The following SLC4A11 variants were observed in gnomAD, a reference collection of about 807,000 sequenced individuals.
The protein encoded by SLC4A11 is solute carrier family 4 member 11.
Under a neutral mutation model 95.0 loss-of-function variants are expected in SLC4A11, and 74 were observed. The ratio of observed to expected loss-of-function variants is 0.78; its 90% CI spans 0.65 to 0.95. The LOEUF (loss-of-function observed/expected upper bound fraction) is 0.95. Among genes scored for constraint, SLC4A11 ranks in the 40% least tolerant of loss-of-function variants. The probability of loss-of-function intolerance (pLI) is 0.00; values close to 1 mark genes in which losing one functional copy is unlikely to be tolerated. For synonymous variants in SLC4A11, 548 were observed against 519.0 expected, an observed-to-expected ratio of 1.06 and a Z score of -0.76; for missense variants, 1,081 against 1,192.4, an observed-to-expected ratio of 0.91 and a Z score of 1.38.
chr20:3,230,404 C>A, intron 12 of SLC4A11, 111 bp downstream of exon 12: 1 of 1,589,632 alleles, frequency 6.3e-7, no homozygotes. Flanking sequence ...CCCACCCCAG[C>A]CCCTTGGGGC....
At chr20:3,237,847 GGA>G (rs1160470722) in intron 1 of SLC4A11, 1 of 1,553,782 alleles carries the variant, frequency 6.4e-7, no homozygotes, top group Non-Finnish European at 8.7e-7. Flanking sequence ...GAGGCGAGGA[GGA>G]GAGACGTTCC....
chr20:3,228,204 C>T, intron 19 of SLC4A11, 55 bp downstream of exon 19: 1 of 1,596,950 alleles, frequency 6.3e-7, no homozygotes, highest in Non-Finnish European at 8.5e-7. Flanking sequence ...CCCCAGCCCG[C>T]CCATTCTCCA....
rs1033169796 is a variant in SLC4A11 at position 3,234,446 on chromosome 20, C to G, written c.291+122G>C. On this transcript the variant is annotated intron_variant, in intron 4 of 19. Coordinates refer to ENST00000642402, the MANE Select transcript of SLC4A11 (RefSeq NM_001174089.2). This position sits in a 1 kb window ranked among gnomAD's most constrained non-coding sequence, Gnocchi z 5.8. ...GCCCCCAGCCCTGGGCTGGTGCGAG[C>G]TCCCTGTTGAGCTGCTCCTGGAGGC... 2.1e-6 allele frequency: 3 copies of G among 1,412,468 alleles called. No individual in the cohort carries two copies. In the African/African-American group the frequency reaches 4.2e-5, roughly 20 times the overall value. 87.5% of individuals were successfully genotyped at this position (1,412,468 alleles called of 1,614,324 possible).
intron 2 of SLC4A11, among the ~76,000 whole-genome samples, chr20:3,236,548 C>A (rs2067987265): frequency 6.6e-6 from 1 of 151,996 alleles, no homozygotes; most frequent in Non-Finnish European, 1.5e-5. Context: ...GAGATCACAC[C>A]ACTGCACTCC....
chr20:3,230,138 C>A (rs746395130), intron 13 of SLC4A11, 49 bp downstream of exon 13: 8 of 1,600,146 alleles, frequency 5.0e-6, no homozygotes, highest in South Asian at 1.1e-5. Flanking sequence ...CAGAACCTCC[C>A]ATCTCGGCTG....
rs776429709 is a variant in SLC4A11 at position 3,233,498 on chromosome 20, G to A, written c.729+16C>T. The stretch of plus-strand genomic sequence containing the variant: ...GGGCCCTCCTTCTTCCCCAGGACAC[G>A]GCACTACCCACTCACCATCTTGGGT... On this transcript the variant is annotated intron_variant, in intron 7 of 19. Coordinates refer to ENST00000642402, the MANE Select transcript of SLC4A11 (RefSeq NM_001174089.2). The A allele has an allele frequency of 1.1e-5, 18 of 1,613,180 alleles. No individual in the cohort carries two copies. Among genetic ancestry groups the A allele is most frequent in the East Asian group, 8.9e-5 (4 of 44,850 alleles).
chr20:3,231,600 G>A lies in SLC4A11; in HGVS notation c.730-52C>T. ...CTAGAAACAGAGGAGGCCCTGCCCG[G>A]GCCGAGCAGGTGAAGGTGCTCTCCC... On this transcript the variant is annotated intron_variant, in intron 7 of 19. Transcript: ENST00000642402. This position sits in a 1 kb window ranked among gnomAD's most constrained non-coding sequence, Gnocchi z 5.2. The A allele has an allele frequency of 6.4e-7, 1 of 1,564,476 alleles. No individual in the cohort carries two copies. Among genetic ancestry groups the A allele is most frequent in the South Asian group, 1.1e-5 (1 of 90,104 alleles).
At chr20:3,227,968 G>A (rs951203580) in intron 19 of SLC4A11, 112 bp from the exon 20 acceptor site, 9 of 369,946 alleles carry the variant, frequency 2.4e-5, no homozygotes, top group South Asian at 8.2e-5. Flanking sequence ...TCTCCTCCCC[G>A]CCCGCCTACC....
At chr20:3,229,946 C>A (rs897271794) in intron 13 of SLC4A11, among the ~76,000 whole-genome samples, 170 bp from the exon 14 acceptor site, 1 of 152,160 alleles carries the variant, frequency 6.6e-6, no homozygotes, top group Non-Finnish European at 1.5e-5. Flanking sequence ...TCTCTGACAC[C>A]CCATCACAGT....
chr20:3,228,255 G>A lies in SLC4A11; in HGVS notation c.2558+4C>T. The A allele has an allele frequency of 6.2e-6, 10 of 1,610,960 alleles. No homozygotes were observed. The highest frequency in any genetic ancestry group is 7.6e-6 in the Non-Finnish European group (9 of 1,179,158). On this transcript the variant is annotated splice_donor_region_variant and intron_variant, in intron 19 of 19. Transcript: ENST00000642402. ...CCTCCTGCCCACTGCCCACCCGCCT[G>A]TACCGGATGGGGATCATGGCGATCA...
At position 3,231,119 on chromosome 20, in the gene SLC4A11, C is replaced by T. The variant is rs1186062987; in HGVS notation, c.1042+30G>A. 1.2e-6 allele frequency: 2 copies of T among 1,614,012 alleles called. No individual in the cohort carries two copies. Among genetic ancestry groups the T allele is most frequent in the African/African-American group, 2.7e-5 (2 of 74,938 alleles). The stretch of plus-strand genomic sequence containing the variant: ...GATGCAGGACAGGCACACGTGTGGG[C>T]CCAAGGCCTGGAAAGCAGAGGCCAC... On this transcript the variant is annotated intron_variant, in intron 9 of 19. Coordinates refer to ENST00000642402, the MANE Select transcript of SLC4A11 (RefSeq NM_001174089.2). The surrounding 1 kb of genome is among the most constrained non-coding windows in gnomAD (Gnocchi z 5.2).
intron 7 of SLC4A11, among the ~76,000 whole-genome samples, chr20:3,233,122 C>T (rs2067835382): frequency 6.6e-6 from 1 of 152,154 alleles, no homozygotes; most frequent in Non-Finnish European, 1.5e-5. Flanking sequence ...GAAATTGTAT[C>T]AGTTCCGGCT....
rs1359667524 is a variant in SLC4A11, at chr20:3,231,043, T to C, written c.1058A>G (p.Asn353Ser). Residue 353 changes from asparagine (N) to serine (S), a missense_variant, in exon 10 of 20, where the codon AAC becomes AGC. Asn to Ser is a conservative substitution (Grantham distance 46). This residue lies in a region of SLC4A11 where 767 missense variants were observed against 858.0 expected (regional missense o/e 0.89). Transcript: ENST00000642402. This position sits in a 1 kb window ranked among gnomAD's most constrained non-coding sequence, Gnocchi z 5.2. ...GGTGATGTATTTGCCCACAGCCTTGTTTTTCCCAATAATGCCTAGGAATGG... is the reference window on the plus strand; with the variant it reads ...GGTGATGTATTTGCCCACAGCCTTGCTTTTCCCAATAATGCCTAGGAATGG... The part of the protein sequence containing the change: ...LDFTDGIIGK[N>S]KAVGKYITTT... The C allele has an allele frequency of 6.2e-7, 1 of 1,613,810 alleles. No homozygotes were observed. The highest frequency in any genetic ancestry group is 8.5e-7 in the Non-Finnish European group (1 of 1,180,006).
intron 19 of SLC4A11, 90 bp downstream of exon 19, chr20:3,228,169 G>A: frequency 1.9e-6 from 2 of 1,029,776 alleles, no homozygotes; most frequent in Non-Finnish European, 2.7e-6. Context: ...CCGCCCCTAG[G>A]TGGGACCCCT....
chr20:3,238,085 C>T (rs1465697040), intron 1 of SLC4A11: 2 of 1,466,142 alleles, frequency 1.4e-6, no homozygotes, highest in Non-Finnish European at 1.8e-6. Flanking sequence ...GTTCCCCCGA[C>T]CCCCGTCACG....
In SLC4A11 at chr20:3,228,655, C is replaced by T; in HGVS notation, c.2245G>A (p.Val749Met). 2 of 1,613,004 alleles carry T rather than the reference C, an allele frequency of 1.2e-6. No homozygotes were observed. The highest frequency in any genetic ancestry group is 1.1e-5 in the South Asian group (1 of 91,070). ...RLTSLGASVL[V>M]GLSLLLLPVP... Reference sequence around the variant, plus strand: ...GGCAGCAGCAACAGGGACAGGCCCACCAGGACGCTGGCGCCCAGCGAGGTC... The same window carrying T: ...GGCAGCAGCAACAGGGACAGGCCCATCAGGACGCTGGCGCCCAGCGAGGTC... The change falls in exon 18 of 20, where the codon GTG becomes ATG. Residue 749 changes from valine (V) to methionine (M), a missense_variant. Around this residue, in one of 3 missense-constraint regions of SLC4A11, gnomAD observed 767 missense variants for 858.0 expected, o/e 0.89. Transcript: ENST00000642402.
Position 3,234,075 on chromosome 20 carries a change from G to C in SLC4A11, c.523+8C>G, listed in dbSNP as rs376957191. The C allele has an allele frequency of 1.9e-6, 3 of 1,613,816 alleles. No individual in the cohort carries two copies. Among genetic ancestry groups the C allele is most frequent in the Non-Finnish European group, 2.5e-6 (3 of 1,180,002 alleles). On this transcript the variant is annotated splice_region_variant and intron_variant, in intron 5 of 19. Coordinates refer to ENST00000642402, the MANE Select transcript of SLC4A11 (RefSeq NM_001174089.2). The surrounding 1 kb of genome is among the most constrained non-coding windows in gnomAD (Gnocchi z 5.8). Reference sequence around the variant, plus strand: ...ACGCCCCCGCCCGGGCCGGGAGACCGGCCTCACCTTTACCCCGCATGGGTG... The same window carrying C: ...ACGCCCCCGCCCGGGCCGGGAGACCCGCCTCACCTTTACCCCGCATGGGTG...
chr20:3,230,854 G>C lies in SLC4A11; in HGVS notation c.1169-9C>G. The C allele has an allele frequency of 6.2e-7, 1 of 1,613,260 alleles. No homozygotes were observed. The highest frequency in any genetic ancestry group is 1.3e-5 in the African/African-American group (1 of 75,052). ...TATGGTCTTCTGCACGTCTGTGGGG[G>C]TGCGGAGGTCAGGTGGGCGCCGCAG... On this transcript the variant is annotated splice_polypyrimidine_tract_variant and intron_variant, in intron 10 of 19. Transcript: ENST00000642402.
At chr20:3,232,598 A>G (rs1011285980) in intron 7 of SLC4A11, among the ~76,000 whole-genome samples, 5 of 152,258 alleles carry the variant, frequency 3.3e-5, no homozygotes, top group Admixed American at 2.6e-4. Flanking sequence ...CTGTAGTCAC[A>G]GCTACTTGGG....
Sources: gnomAD v4.1 joint callset for allele counts (sites outside exome capture counted in the v4.1 genomes callset) on GRCh38, gnomAD v4.1.1 for gene constraint, gnomAD v4.1.1 regional missense constraint, Gnocchi (gnomAD v3.1) non-coding constraint, MANE v1.5 for transcripts, NCBI Gene and HGNC (gene_info 2026-07-23, HGNC 2026-07-21) for gene names.